The following ZDHHC4 variants were observed in gnomAD, a reference collection of about 807,000 sequenced individuals.
ZDHHC4 encodes zDHHC palmitoyltransferase 4, also known as palmitoyltransferase ZDHHC4.
In ZDHHC4, 42 loss-of-function variants were observed where a neutral mutation model predicts 36.7. That is an observed-to-expected ratio of 1.14 (90% CI 0.89 to 1.48). The LOEUF is 1.48. Among genes scored for constraint, ZDHHC4 ranks in the 40% most tolerant of loss-of-function variants. The probability of loss-of-function intolerance (pLI) is 0.00; values close to 1 mark genes in which losing one functional copy is unlikely to be tolerated. For synonymous variants in ZDHHC4, 189 were observed against 166.6 expected (o/e 1.13, Z -1.03); for missense variants, 457 against 421.5 (o/e 1.08, Z -0.74).
At chr7:6,580,503 T>C in intron 2 of ZDHHC4, 52 bp from the exon 3 acceptor site, 1 of 1,478,242 alleles carries the variant, frequency 6.8e-7, no homozygotes, top group Non-Finnish European at 9.5e-7. Context: ...ATGTGTGCCA[T>C]GGAAGAAACC....
In ZDHHC4 at chr7:6,588,944, G is replaced by A. The variant is rs764462585; in HGVS notation, c.*34G>A. The stretch of plus-strand genomic sequence containing the variant: ...TGACTGCCTTTGAGCTGTAGTTCCC[G>A]TTTATTTACACATGTGGATCCTCGT... On this transcript the variant is annotated 3_prime_UTR_variant, in exon 8 of 8. Transcript: ENST00000335965. 43 of 1,581,092 alleles carry A rather than the reference G, an allele frequency of 2.7e-5. No individual in the cohort carries two copies. The Admixed American group carries it at 2.9e-4, about 11-fold the overall frequency.
chr7:6,584,248 A>G (rs1486794972), intron 6 of ZDHHC4: 2 of 152,196 alleles, frequency 1.3e-5, no homozygotes, highest in East Asian at 1.9e-4. Context: ...TCTGGTGTGT[A>G]TCTTACATTT....
Position 6,582,649 on chromosome 7 carries a change from C to T in ZDHHC4, c.370+398C>T, listed in dbSNP as rs575607753. Among the ~76,000 whole-genome samples the T allele has an allele frequency of 1.3e-3, 192 of 152,216 alleles. 1 individual carries two copies. Among genetic ancestry groups the T allele is most frequent in the African/African-American group, 4.5e-3 (186 of 41,564 alleles). ...TCTCTTGCCTCAGACTCCCGAGTAG[C>T]TAGGACTACAGGCGTGCGCCACCAC... On this transcript the variant is annotated intron_variant, in intron 5 of 7. Transcript: ENST00000335965.
rs780065328 is a variant in ZDHHC4, at chr7:6,588,621, T to C, written c.746T>C (p.Leu249Pro). Residue 249 changes from leucine to proline, a missense_variant, in exon 8 of 8, where the codon CTG (leucine) becomes CCG (proline). By Grantham distance (98) the Leu-to-Pro change is moderately conservative. Coordinates refer to ENST00000335965, the MANE Select transcript of ZDHHC4 (RefSeq NM_001134389.2). The part of the protein sequence containing the change: ...VMDTVFLIQY[L>P]FLTFPRIVFM... ...CTACCTTTTCTCTGCTCCTAGTACC[T>C]GTTCCTGACTTTTCCACGGATTGTC... The C allele has an allele frequency of 4.3e-6, 7 of 1,613,958 alleles. No homozygotes were observed. Among genetic ancestry groups the C allele is most frequent in the Non-Finnish European group, 5.1e-6 (6 of 1,179,980 alleles).
At chr7:6,588,592 A>C in intron 7 of ZDHHC4, 25 bp from the exon 8 acceptor site, 2 of 1,609,916 alleles carry the variant, frequency 1.2e-6, no homozygotes, top group Non-Finnish European at 1.7e-6. Context: ...AGCTGCCTAA[A>C]GCACTACCTT....
intron 7 of ZDHHC4, among the ~76,000 whole-genome samples, chr7:6,587,858 GATTTATTT>G (rs1357681317): frequency 2.0e-5 from 3 of 152,042 alleles, no homozygotes; most frequent in East Asian, 3.9e-4. Flanking sequence ...TGTTTCTATT[GATTTATTT>G]ATTTATTTAT....
At chr7:6,586,810 C>A (rs12538639) in intron 7 of ZDHHC4, among the ~76,000 whole-genome samples, 1 of 151,820 alleles carries the variant, frequency 6.6e-6, no homozygotes, top group Non-Finnish European at 1.5e-5. Context: ...AATAGTATTC[C>A]GCTGTATGGA....
In ZDHHC4 at chr7:6,585,063, G is replaced by C. The variant is rs773373516; in HGVS notation, c.544G>C (p.Val182Leu). ...VHRFDHHCVW[V>L]NNCIGAWNIR... is the part of the protein sequence containing the mutation. The stretch of plus-strand genomic sequence containing the variant: ...CCGTTTCGACCATCACTGTGTTTGG[G>C]TGAACAACTGCATCGGGGCCTGGAA... Residue 182 changes from valine to leucine, a missense_variant, in exon 7 of 8, where the codon GTG (valine) becomes CTG (leucine). Val to Leu is a conservative substitution (Grantham distance 32). Coordinates refer to ENST00000335965, the MANE Select transcript of ZDHHC4 (RefSeq NM_001134389.2). 1 of 1,614,132 alleles carries C rather than the reference G, an allele frequency of 6.2e-7. No individual in the cohort carries two copies.
chr7:6,588,554 G>T (rs1410411181), intron 7 of ZDHHC4, 63 bp from the exon 8 acceptor site: 2 of 1,563,042 alleles, frequency 1.3e-6, no homozygotes, highest in Non-Finnish European at 1.7e-6. Flanking sequence ...GGGTTGGCCA[G>T]TGTTCACTCT....
chr7:6,584,806 G>T, intron 6 of ZDHHC4: 2 of 621,796 alleles, frequency 3.2e-6, no homozygotes, highest in Non-Finnish European at 5.5e-6. Context: ...GATTTGTCTT[G>T]TAGTCAGATT....
Position 6,580,881 on chromosome 7 carries a change from A to C in ZDHHC4, c.117+203A>C, listed in dbSNP as rs552792895. ...CCATGAGCTATGATCACGCCACTGC[A>C]CTCCAGCCTGGACTACAGAGTGAGA... On this transcript the variant is annotated intron_variant, in intron 3 of 7. Coordinates refer to ENST00000335965, the MANE Select transcript of ZDHHC4 (RefSeq NM_001134389.2). 2.8e-5 allele frequency: 16 copies of C among 578,082 alleles called. No individual in the cohort carries two copies. In the South Asian group the frequency reaches 3.0e-4, roughly 11 times the overall value. 35.8% of individuals were successfully genotyped at this position (578,082 alleles called of 1,614,324 possible).
Position 6,588,719 on chromosome 7 carries a change from G to T in ZDHHC4, c.844G>T (p.Ala282Ser). 1 of 1,614,192 alleles carries T rather than the reference G, an allele frequency of 6.2e-7. No individual in the cohort carries two copies. The highest frequency in any genetic ancestry group is 8.5e-7 in the Non-Finnish European group (1 of 1,180,032). Residue 282 changes from alanine to serine, a missense_variant, in exon 8 of 8, where the codon GCC (alanine) becomes TCC (serine). Coordinates refer to ENST00000335965, the MANE Select transcript of ZDHHC4 (RefSeq NM_001134389.2). ...GYLLFVLYLA[A>S]TNQTTNEWYR... is the part of the protein sequence containing the mutation. ...CCTGTTGTTTGTCCTGTATCTGGCG[G>T]CCACCAACCAGACTACTAACGAGTG...
chr7:6,580,009 C>T (rs907647999), intron 2 of ZDHHC4, among the ~76,000 whole-genome samples: 3 of 151,914 alleles, frequency 2.0e-5, no homozygotes, highest in Non-Finnish European at 4.4e-5. Context: ...GGGGTGCGTG[C>T]CTATAATCCC....
At chr7:6,584,693 A>G (rs1562543364) in intron 6 of ZDHHC4, among the ~76,000 whole-genome samples, 1 of 152,084 alleles carries the variant, frequency 6.6e-6, no homozygotes, top group Non-Finnish European at 1.5e-5. Context: ...GAGTGCTGTG[A>G]CGTGATCATA....
Position 6,589,018 on chromosome 7 carries a change from A to G in ZDHHC4, c.*108A>G, listed in dbSNP as rs749764669. ...TTGATTTCTGCTGTGCTTATAAATC[A>G]CTTTCGGTGGGCAAGGGAGAGAGGG... On this transcript the variant is annotated 3_prime_UTR_variant, in exon 8 of 8. Coordinates refer to ENST00000335965, the MANE Select transcript of ZDHHC4 (RefSeq NM_001134389.2). 1 of 1,411,752 alleles carries G rather than the reference A, an allele frequency of 7.1e-7. No homozygotes were observed. Among genetic ancestry groups the G allele is most frequent in the Non-Finnish European group, 9.6e-7 (1 of 1,039,316 alleles). The allele number at this position is 1,411,752 out of a possible 1,614,324, so 87.5% of individuals were successfully genotyped here. A position where few individuals can be genotyped will look rare whatever the true frequency, so the allele number is the denominator to read the frequency against.
Position 6,581,671 on chromosome 7 carries a change from T to C in ZDHHC4, c.182T>C (p.Phe61Ser), listed in dbSNP as rs143458161. 1.1e-5 allele frequency: 18 copies of C among 1,605,814 alleles called. No individual in the cohort carries two copies. The African/African-American group carries it at 2.4e-4, about 22-fold the overall frequency. ...GTGCATGGATTGCTTCATTACCTTT[T>C]CCATACGAGGTATTTCTCTTTCAGA... ...RAVHGLLHYL[F>S]HTRNHTFIVL... Residue 61 changes from phenylalanine to serine, a missense_variant, in exon 4 of 8, where the codon TTC (phenylalanine) becomes TCC (serine). Physicochemically the swap from Phe to Ser is radical, Grantham distance 155 (BLOSUM62 -2). Transcript: ENST00000335965.
chr7:6,584,984 A>G, intron 6 of ZDHHC4, 32 bp from the exon 7 acceptor site: 1 of 1,611,228 alleles, frequency 6.2e-7, no homozygotes, highest in East Asian at 2.2e-5. Context: ...GTCAAGCACC[A>G]TCCCAGCACG....
chr7:6,585,361 C>T lies in ZDHHC4; in HGVS notation c.741+101C>T, dbSNP rs142496560. The T allele has an allele frequency of 3.9e-4, 583 of 1,479,470 alleles. No individual in the cohort carries two copies. In the African/African-American group the frequency reaches 5.6e-3, roughly 14 times the overall value. The allele number at this position is 1,479,470 out of a possible 1,614,324, so 91.6% of individuals were successfully genotyped here. ...AAGTTAGGTGGGGTGTGGTGGCTCA[C>T]GCCTATAATCCCAGCACTTTTGGAG... On this transcript the variant is annotated intron_variant, in intron 7 of 7. Transcript: ENST00000335965.
intron 2 of ZDHHC4, among the ~76,000 whole-genome samples, chr7:6,578,923 G>C (rs561039115): frequency 6.6e-6 from 1 of 152,200 alleles, no homozygotes; most frequent in Admixed American, 6.5e-5. Flanking sequence ...GCCCAGGCTT[G>C]AACTCCTGTG....
Sources: gnomAD v4.1 joint callset for allele counts (sites outside exome capture counted in the v4.1 genomes callset) on GRCh38, gnomAD v4.1.1 for gene constraint, MANE v1.5 for transcripts, NCBI Gene and HGNC (gene_info 2026-07-23, HGNC 2026-07-21) for gene names.